Variants in ATR observed in about 807,000 individuals in gnomAD.
ATR encodes serine/threonine-protein kinase ATR.
In ATR, 142 loss-of-function variants were observed where a neutral mutation model predicts 305.3. The ratio of observed to expected loss-of-function variants is 0.47; its 90% CI spans 0.41 to 0.53. The LOEUF (loss-of-function observed/expected upper bound fraction) is 0.53, where lower values mean the gene tolerates loss of function less well. Among genes scored for constraint, ATR ranks in the 20% least tolerant of loss-of-function variants. The probability of loss-of-function intolerance (pLI) is 0.00; values close to 1 mark genes in which losing one functional copy is unlikely to be tolerated. For missense variants in ATR, 2,135 were observed against 3,133.1 expected, an observed-to-expected ratio of 0.68 and a Z score of 7.60; for synonymous variants, 1,050 against 1,068.1, an observed-to-expected ratio of 0.98 and a Z score of 0.33.
At chr3:142,566,421 C>T (rs2035073821) in intron 2 of ATR, among the ~76,000 whole-genome samples, 160 bp from the exon 3 acceptor site, 1 of 152,038 alleles carries the variant, frequency 6.6e-6, no homozygotes, top group Admixed American at 6.6e-5. Context: ...GAACTCAAGA[C>T]CAGCCTGGAT....
chr3:142,574,576 T>C (rs1175029425), intron 1 of ATR, among the ~76,000 whole-genome samples: 1 of 152,044 alleles, frequency 6.6e-6, no homozygotes, highest in Non-Finnish European at 1.5e-5. Flanking sequence ...AAGCATACTA[T>C]AAAATTTGAG....
chr3:142,553,206 C>T, intron 13 of ATR, 21 bp downstream of exon 13: 1 of 1,612,836 alleles, frequency 6.2e-7, no homozygotes, highest in Non-Finnish European at 8.5e-7. Context: ...GCCTATAGTC[C>T]AGACAAACGC....
At chr3:142,576,246 A>G (rs1288489668) in intron 1 of ATR, among the ~76,000 whole-genome samples, 1 of 152,246 alleles carries the variant, frequency 6.6e-6, no homozygotes, top group Non-Finnish European at 1.5e-5. Context: ...ACGATAACAC[A>G]GGAGAAGGAA....
chr3:142,476,578 C>T (rs567872449), intron 36 of ATR, among the ~76,000 whole-genome samples: 71 of 152,228 alleles, frequency 4.7e-4, no homozygotes, highest in African/African-American at 1.5e-3. Context: ...GCAATGCAGG[C>T]TCTTTTTTGG....
rs2108265777 is a variant in ATR, at chr3:142,461,959, G to A, written c.7173C>T (p.Thr2391=). 11 of 1,613,396 alleles carry A rather than the reference G, an allele frequency of 6.8e-6. No homozygotes were observed. The highest frequency in any genetic ancestry group is 9.3e-6 in the Non-Finnish European group (11 of 1,179,694). The change falls in exon 42 of 47, where the codon ACC becomes ACT. Residue 2391 remains threonine (T), a synonymous_variant. Coordinates refer to ENST00000350721, the MANE Select transcript of ATR (RefSeq NM_001184.4). ...TAGTACCCTTTTCTTTATATAGTTT[G>A]GTCAGAATAGGTCTCAAACCAGCAG... ...NNTAGLRPIL[T]KLYKEKGVYM... is the part of the protein sequence containing the mutation.
chr3:142,566,485 A>C (rs1343304066), intron 2 of ATR, among the ~76,000 whole-genome samples: 1 of 151,850 alleles, frequency 6.6e-6, no homozygotes, highest in African/African-American at 2.4e-5. Context: ...ATTAGCTGGG[A>C]GTGGTAGTGT....
At chr3:142,519,303 A>ATT (rs112517629) in intron 24 of ATR, among the ~76,000 whole-genome samples, 2 of 144,668 alleles carry the variant, frequency 1.4e-5, no homozygotes, top group Non-Finnish European at 1.5e-5. Context: ...AATCACATTA[A>ATT]TTTTTTTTTT....
intron 36 of ATR, among the ~76,000 whole-genome samples, chr3:142,473,628 C>A (rs1004004583): frequency 6.6e-5 from 10 of 151,776 alleles, no homozygotes; most frequent in Admixed American, 1.3e-4. Flanking sequence ...TCACTGTAAC[C>A]TCCACCTCCC....
chr3:142,522,670 C>T (rs2033197412), intron 23 of ATR, 58 bp downstream of exon 23: 1 of 1,375,800 alleles, frequency 7.3e-7, no homozygotes, highest in Non-Finnish European at 1.0e-6. Flanking sequence ...ATAGAATTTA[C>T]AACGTTCTTA....
chr3:142,521,340 C>A (rs978946571), intron 23 of ATR, among the ~76,000 whole-genome samples: 1 of 152,120 alleles, frequency 6.6e-6, no homozygotes, highest in Non-Finnish European at 1.5e-5. Context: ...TCTGATGGAG[C>A]TATACAAGGA....
intron 24 of ATR, among the ~76,000 whole-genome samples, chr3:142,518,875 C>T (rs1322618511): frequency 2.0e-5 from 3 of 151,854 alleles, no homozygotes; most frequent in African/African-American, 4.8e-5. Flanking sequence ...TTGCATATTT[C>T]GTCAGTCCTA....
rs529976712 is a variant in ATR at position 142,565,550 on chromosome 3, A to C, written c.292+571T>G. On this transcript the variant is annotated intron_variant, in intron 3 of 46. Coordinates refer to ENST00000350721, the MANE Select transcript of ATR (RefSeq NM_001184.4). ...TGCCCAAGTTGCCTTTGTAGTAGTC[A>C]CAGACAATAAGTAAAAGAATGAGCA... Among the ~76,000 whole-genome samples the C allele has an allele frequency of 7.9e-5, 12 of 152,108 alleles. 1 individual carries two copies. The highest frequency in any genetic ancestry group is 2.9e-4 in the African/African-American group (12 of 41,510).
At chr3:142,560,978 C>T (rs990273335) in intron 5 of ATR, among the ~76,000 whole-genome samples, 2 of 152,134 alleles carry the variant, frequency 1.3e-5, no homozygotes, top group African/African-American at 2.4e-5. Context: ...CTAATAGATG[C>T]ACAGTCTCAA....
At chr3:142,451,757 A>C (rs1013548758) in intron 46 of ATR, 16 of 1,056,362 alleles carry the variant, frequency 1.5e-5, no homozygotes, top group Admixed American at 7.3e-5. Context: ...TTAAAAAAAA[A>C]CAAAAACTAT....
chr3:142,556,047 A>G lies in ATR; in HGVS notation c.2171T>C (p.Leu724Pro). The G allele has an allele frequency of 6.2e-7, 1 of 1,614,134 alleles. No individual in the cohort carries two copies. The highest frequency in any genetic ancestry group is 8.5e-7 in the Non-Finnish European group (1 of 1,179,986). The change falls in exon 10 of 47, where the codon CTG (leucine) becomes CCG (proline). Residue 724 changes from leucine to proline, a missense_variant. By Grantham distance (98) the Leu-to-Pro change is moderately conservative (BLOSUM62 -3). Coordinates refer to ENST00000350721, the MANE Select transcript of ATR (RefSeq NM_001184.4). ...LVCTLHGMFYLTSSLTEPFSE... is the reference protein window; with the variant it reads ...LVCTLHGMFYPTSSLTEPFSE... The stretch of plus-strand genomic sequence containing the variant: ...GAAAGGTTCTGTTAAAGAACTTGTC[A>G]GATAAAACATGCCGTGAAGAGTACA...
At chr3:142,471,471 T>C (rs183024338) in intron 36 of ATR, among the ~76,000 whole-genome samples, 3 of 152,332 alleles carry the variant, frequency 2.0e-5, no homozygotes, top group African/African-American at 7.2e-5. Context: ...GAATTGCATT[T>C]ACCATTCTAC....
Position 142,519,345 on chromosome 3 carries a change from A to G in ATR, c.4382+324T>C, listed in dbSNP as rs529450336. The stretch of plus-strand genomic sequence containing the variant: ...CAAACAAAGTCTCGCTCTGTCACCC[A>G]GGCTGTAGTGCAATGGCACAATCTC... On this transcript the variant is annotated intron_variant, in intron 24 of 46. Transcript: ENST00000350721. 9.2e-5 allele frequency among the ~76,000 whole-genome samples: 14 copies of G among 151,636 alleles called. No individual in the cohort carries two copies. The East Asian group carries it at 2.7e-3, about 29-fold the overall frequency.
chr3:142,562,687 A>G lies in ATR; in HGVS notation c.715T>C (p.Tyr239His). 6.2e-7 allele frequency: 1 copy of G among 1,614,094 alleles called. No individual in the cohort carries two copies. Among genetic ancestry groups the G allele is most frequent in the Non-Finnish European group, 8.5e-7 (1 of 1,179,980 alleles). The change falls in exon 4 of 47, where the codon TAT becomes CAT. Residue 239 changes from tyrosine to histidine, a missense_variant. Tyr to His is a moderately conservative substitution (Grantham distance 83, BLOSUM62 2). This residue lies in a region of ATR where 744 missense variants were observed against 873.2 expected (regional missense o/e 0.85). Coordinates refer to ENST00000350721, the MANE Select transcript of ATR (RefSeq NM_001184.4). ...AGGGATTTAATTTTTGGACTACCAT[A>G]CTCTAGCAGAACACAACCTATCTGC... Reference protein sequence around the residue: ...LWQIGCVLLEYGSPKIKSLAI... With the variant: ...LWQIGCVLLEHGSPKIKSLAI...
chr3:142,487,159 C>T (rs554224314), intron 35 of ATR, among the ~76,000 whole-genome samples: 7 of 151,920 alleles, frequency 4.6e-5, no homozygotes, highest in Admixed American at 1.3e-4. Context: ...TTATTAGAGA[C>T]AAGGTTTTGC....
Sources: allele counts gnomAD v4.1 joint callset (sites outside exome capture counted in the v4.1 genomes callset), GRCh38; gene constraint gnomAD v4.1.1; regional missense constraint gnomAD v4.1.1; transcripts MANE v1.5; gene names NCBI Gene and HGNC (gene_info 2026-07-23, HGNC 2026-07-21).